The following CDH18 variants were observed in gnomAD, a reference collection of about 807,000 sequenced individuals.
The protein encoded by CDH18 is cadherin-18.
A neutral mutation model predicts 67.9 loss-of-function variants in CDH18; 31 were observed. The ratio of observed to expected loss-of-function variants is 0.46; its 90% CI spans 0.34 to 0.62. The LOEUF (loss-of-function observed/expected upper bound fraction) is 0.62, where lower values mean the gene tolerates loss of function less well. Ranked by LOEUF, CDH18 falls within the 20% of genes least tolerant of loss-of-function variation. CDH18 has a pLI of 0.01. For synonymous variants in CDH18, 362 were observed against 347.2 expected (o/e 1.04, Z -0.48); for missense variants, 890 against 975.5 (o/e 0.91, Z 1.17).
chr5:20,077,380 A>G (rs1744043960), intron 2 of CDH18, among the ~76,000 whole-genome samples: 1 of 152,212 alleles, frequency 6.6e-6, no homozygotes, highest in South Asian at 2.1e-4. Context: ...ATTCAGCTGA[A>G]CAAGATTGAT....
chr5:19,963,606 A>G (rs1179411116), intron 2 of CDH18, among the ~76,000 whole-genome samples: 6 of 152,044 alleles, frequency 3.9e-5, no homozygotes, highest in Non-Finnish European at 7.4e-5. Flanking sequence ...TATCATGTGA[A>G]GAAGGACATG....
At chr5:19,868,051 T>C (rs144153939) in intron 2 of CDH18, among the ~76,000 whole-genome samples, 1 of 152,324 alleles carries the variant, frequency 6.6e-6, no homozygotes, top group African/African-American at 2.4e-5. Flanking sequence ...CTGCCATGAT[T>C]GTAAGAATGT....
At chr5:19,775,772 C>G (rs1002714195) in intron 3 of CDH18, among the ~76,000 whole-genome samples, 2 of 151,990 alleles carry the variant, frequency 1.3e-5, no homozygotes, top group Non-Finnish European at 2.9e-5. Context: ...CAAATAAGGC[C>G]TACAGGAATA....
chr5:19,789,842 T>C lies in CDH18; in HGVS notation c.229-42606A>G, dbSNP rs191465804. 4.6e-5 allele frequency among the ~76,000 whole-genome samples: 7 copies of C among 152,066 alleles called. No homozygotes were observed. In the East Asian group the frequency reaches 7.7e-4, roughly 17 times the overall value. ...GAGTAAAAACAATAAGCAATAGTAGTAATTACATATATGAATAATAAATGA... is the reference window on the plus strand; with the variant it reads ...GAGTAAAAACAATAAGCAATAGTAGCAATTACATATATGAATAATAAATGA... On this transcript the variant is annotated intron_variant, in intron 3 of 12. Transcript: ENST00000382275.
intron 3 of CDH18, among the ~76,000 whole-genome samples, chr5:19,819,216 T>C (rs942591094): frequency 7.9e-5 from 12 of 152,104 alleles, no homozygotes; most frequent in African/African-American, 2.6e-4. Flanking sequence ...TATATCATAA[T>C]AAATCTAATC....
chr5:19,870,487 A>G (rs1357633314), intron 2 of CDH18, among the ~76,000 whole-genome samples: 1 of 152,050 alleles, frequency 6.6e-6, no homozygotes, highest in Admixed American at 6.6e-5. Context: ...ACTAATTTTG[A>G]TATCGGTATG....
intron 2 of CDH18, among the ~76,000 whole-genome samples, chr5:20,040,642 A>T (rs1740337124): frequency 6.6e-6 from 1 of 152,136 alleles, no homozygotes; most frequent in Non-Finnish European, 1.5e-5. Context: ...TTTAGAGAGT[A>T]TTGCTTGTTG....
intron 6 of CDH18, among the ~76,000 whole-genome samples, chr5:19,594,851 T>A (rs984597926): frequency 6.6e-6 from 1 of 152,156 alleles, no homozygotes; most frequent in African/African-American, 2.4e-5. Context: ...CATAAAAGCT[T>A]AATGCTTTTC....
At chr5:20,391,385 T>C (rs1744845797) in intron 1 of CDH18, among the ~76,000 whole-genome samples, 1 of 152,016 alleles carries the variant, frequency 6.6e-6, no homozygotes, top group Admixed American at 6.6e-5. Flanking sequence ...TAATAGTTGC[T>C]ATATGATAGA....
intron 1 of CDH18, among the ~76,000 whole-genome samples, chr5:20,413,146 C>A (rs1050399560): frequency 3.3e-5 from 5 of 152,270 alleles, no homozygotes; most frequent in Middle Eastern, 3.4e-3. Flanking sequence ...TGAACTCATC[C>A]TTTTTTATGG....
At chr5:19,591,824 G>A (rs762668981) in intron 6 of CDH18, among the ~76,000 whole-genome samples, 21 of 152,040 alleles carry the variant, frequency 1.4e-4, no homozygotes, top group Middle Eastern at 3.4e-3. Flanking sequence ...AGGATTTGAG[G>A]TGGCTTCATA....
intron 1 of CDH18, among the ~76,000 whole-genome samples, chr5:20,293,248 C>T (rs1013967213): frequency 1.3e-5 from 2 of 152,030 alleles, no homozygotes; most frequent in Admixed American, 6.6e-5. Flanking sequence ...ACCCAGGAGG[C>T]GGAGTTTGCA....
At position 20,364,911 on chromosome 5, in the gene CDH18, CAAG is replaced by C. The variant is rs571432604; in HGVS notation, c.-579-109409_-579-109407del. On this transcript the variant is annotated intron_variant, in intron 1 of 14. Transcript: ENST00000507958. Reference sequence around the variant, plus strand: ...ATAAATCAATAGTTACTTAATGACTCAAGAGTACATGGGAATTGTTTTTTGAGG... The same window carrying C: ...ATAAATCAATAGTTACTTAATGACTCAGTACATGGGAATTGTTTTTTGAGG... 3.3e-5 allele frequency among the ~76,000 whole-genome samples: 5 copies of C among 152,200 alleles called. No homozygotes were observed. The East Asian group carries it at 9.7e-4, about 29-fold the overall frequency.
chr5:19,686,733 A>G (rs901047801), intron 5 of CDH18, among the ~76,000 whole-genome samples: 3 of 152,158 alleles, frequency 2.0e-5, no homozygotes, highest in African/African-American at 7.2e-5. Flanking sequence ...TTGTACTTCA[A>G]GTTCATTAAA....
intron 2 of CDH18, among the ~76,000 whole-genome samples, chr5:20,003,008 T>C (rs954106087): frequency 2.0e-5 from 3 of 151,662 alleles, no homozygotes; most frequent in Admixed American, 6.6e-5. Flanking sequence ...TCCTGCTAAA[T>C]TGTCACAGTT....
At chr5:20,167,062 C>T (rs1038913551) in intron 2 of CDH18, among the ~76,000 whole-genome samples, 5 of 152,038 alleles carry the variant, frequency 3.3e-5, no homozygotes, top group Non-Finnish European at 7.3e-5. Context: ...TTTGCTGTAA[C>T]TATGAATCAC....
chr5:20,077,225 T>C (rs948068221), intron 2 of CDH18, among the ~76,000 whole-genome samples: 1 of 151,590 alleles, frequency 6.6e-6, no homozygotes, highest in African/African-American at 2.4e-5. Context: ...GGTAAAAGAC[T>C]CCTTTACAAA....
In CDH18 at chr5:20,242,621, T is replaced by TAC. The variant is rs1461184981; in HGVS notation, c.-518+12822_-518+12823insGT. Among the ~76,000 whole-genome samples the TAC allele has an allele frequency of 5.2e-3, 612 of 118,546 alleles. 6 individuals are homozygous for TAC. Among genetic ancestry groups the TAC allele is most frequent in the Admixed American group, 8.6e-3 (101 of 11,684 alleles). The allele number at this position is 118,546 out of a possible 152,430, so 77.8% of individuals were successfully genotyped here. ...GAAAAAAAAAAAAAAAATATATATA[T>TAC]ATATATATATATGTATATATATATA... On this transcript the variant is annotated intron_variant, in intron 2 of 14. Transcript: ENST00000507958.
chr5:20,210,480 T>C (rs142278321), intron 2 of CDH18, among the ~76,000 whole-genome samples: 2 of 152,142 alleles, frequency 1.3e-5, no homozygotes, highest in African/African-American at 2.4e-5. Flanking sequence ...AATTTTAAAA[T>C]TGTATTGCTT....
Sources: allele counts gnomAD v4.1 joint callset (sites outside exome capture counted in the v4.1 genomes callset), GRCh38; gene constraint gnomAD v4.1.1; transcripts MANE v1.5; gene names NCBI Gene and HGNC (gene_info 2026-07-23, HGNC 2026-07-21).